The following MSRA variants were observed in gnomAD, a reference collection of about 807,000 sequenced individuals.
The protein encoded by MSRA is mitochondrial peptide methionine sulfoxide reductase.
A neutral mutation model predicts 31.3 loss-of-function variants in MSRA; 54 were observed. The observed-to-expected ratio is 1.73, with a 90% CI of 1.39 to 2.17. The LOEUF (loss-of-function observed/expected upper bound fraction) is 2.17. MSRA is among the 30% of genes most tolerant of loss of function. The pLI, the probability that MSRA is intolerant of heterozygous loss-of-function variation, is 0.00. For synonymous variants in MSRA, 169 were observed against 116.5 expected (o/e 1.45, Z -2.90); for missense variants, 507 against 300.9 (o/e 1.69, Z -5.07).
chr8:10,316,612 C>A (rs992739128), intron 4 of MSRA, among the ~76,000 whole-genome samples: 4 of 147,856 alleles, frequency 2.7e-5, no homozygotes, highest in Admixed American at 2.7e-4. Flanking sequence ...CTCTCCCTTC[C>A]TCCCTTTTGA....
At chr8:10,361,331 G>C (rs1015808126) in intron 5 of MSRA, among the ~76,000 whole-genome samples, 1 of 152,172 alleles carries the variant, frequency 6.6e-6, no homozygotes, top group Non-Finnish European at 1.5e-5. Context: ...AAAGGCTCTA[G>C]GGTCTGTCTC....
intron 5 of MSRA, among the ~76,000 whole-genome samples, chr8:10,328,081 A>T (rs995862476): frequency 7.9e-6 from 1 of 127,098 alleles, no homozygotes; most frequent in Non-Finnish European, 1.6e-5. Context: ...AGTGTAAATG[A>T]CACTCAAATT....
intron 1 of MSRA, among the ~76,000 whole-genome samples, chr8:10,149,689 T>A (rs1433057940): frequency 2.6e-5 from 4 of 151,890 alleles, no homozygotes; most frequent in Non-Finnish European, 5.9e-5. Flanking sequence ...GTAGTGGTGG[T>A]ATGGAGTTCT....
chr8:10,267,527 T>C (rs1798809559), intron 3 of MSRA, among the ~76,000 whole-genome samples: 2 of 152,114 alleles, frequency 1.3e-5, no homozygotes, highest in African/African-American at 4.8e-5. Flanking sequence ...CACACCACAG[T>C]TATCTAGGGC....
At chr8:10,231,473 A>AT (rs911227360) in intron 2 of MSRA, among the ~76,000 whole-genome samples, 12 of 152,154 alleles carry the variant, frequency 7.9e-5, no homozygotes, top group African/African-American at 2.9e-4. Context: ...CCAGGTGGGG[A>AT]TCCCCAGCAA....
chr8:10,126,590 A>G (rs1006543594), intron 1 of MSRA, among the ~76,000 whole-genome samples: 3 of 152,046 alleles, frequency 2.0e-5, no homozygotes, highest in East Asian at 3.9e-4. Context: ...TCTGCTCACC[A>G]CAACCTCTGC....
At chr8:10,423,583 T>C (rs1000602335) in intron 5 of MSRA, among the ~76,000 whole-genome samples, 2 of 152,128 alleles carry the variant, frequency 1.3e-5, no homozygotes, top group African/African-American at 4.8e-5. Flanking sequence ...TATCTCCCCC[T>C]GCTCCTGCAC....
chr8:10,362,965 G>A (rs1804940143), intron 5 of MSRA, among the ~76,000 whole-genome samples: 1 of 152,114 alleles, frequency 6.6e-6, no homozygotes, highest in Non-Finnish European at 1.5e-5. Flanking sequence ...TGCTGTTTTT[G>A]CAGCATCTTG....
chr8:10,300,146 G>GTGTT (rs1554519827), intron 3 of MSRA, among the ~76,000 whole-genome samples: 1 of 152,032 alleles, frequency 6.6e-6, no homozygotes, highest in Non-Finnish European at 1.5e-5. Context: ...GTGTGTGTGT[G>GTGTT]TGTGCACGCG....
intron 5 of MSRA, among the ~76,000 whole-genome samples, chr8:10,398,227 C>A (rs142652956): frequency 2.0e-5 from 3 of 152,288 alleles, no homozygotes; most frequent in African/African-American, 4.8e-5. Flanking sequence ...TAGAAAATTC[C>A]TGTTTGAACA....
At chr8:10,214,269 G>A (rs1161662990) in intron 2 of MSRA, among the ~76,000 whole-genome samples, 3 of 152,166 alleles carry the variant, frequency 2.0e-5, no homozygotes, top group Admixed American at 6.5e-5. Flanking sequence ...GTGGCTGACA[G>A]GAGCCCAGAG....
chr8:10,160,522 C>A (rs978078838), intron 1 of MSRA, among the ~76,000 whole-genome samples: 1 of 151,722 alleles, frequency 6.6e-6, no homozygotes, highest in African/African-American at 2.4e-5. Flanking sequence ...ATATAGATCT[C>A]TATAGATAGG....
At position 10,428,312 on chromosome 8, in the gene MSRA, A is replaced by G. The variant is rs773042309; in HGVS notation, c.708A>G (p.Ter236=). 2.5e-6 allele frequency: 4 copies of G among 1,611,960 alleles called. No homozygotes were observed. In the South Asian group the frequency reaches 3.3e-5, roughly 13 times the overall value. Residue 236 remains the stop codon, a stop_retained_variant, in exon 6 of 6, where the codon TAA becomes TAG. Transcript: ENST00000317173. ...CCTGCCCAGTGGGTATTAAAAAATA[A>G]TTTCTCCCCACATGGTGGGCCTTTG... ...GVSCPVGIKK[*] is the part of the protein sequence containing the mutation.
chr8:10,246,756 G>C (rs959583533), intron 3 of MSRA, among the ~76,000 whole-genome samples: 9 of 152,098 alleles, frequency 5.9e-5, no homozygotes, highest in African/African-American at 1.9e-4. Context: ...CTCTAGAGAA[G>C]GATTGAAATA....
chr8:10,071,769 G>C (rs1383745729), intron 1 of MSRA, among the ~76,000 whole-genome samples: 2 of 152,146 alleles, frequency 1.3e-5, no homozygotes, highest in Non-Finnish European at 2.9e-5. Flanking sequence ...CCAAGGGAAG[G>C]CTGGCACTCC....
intron 2 of MSRA, among the ~76,000 whole-genome samples, chr8:10,242,399 C>T (rs887591947): frequency 4.6e-5 from 7 of 152,028 alleles, no homozygotes; most frequent in African/African-American, 1.4e-4. Flanking sequence ...AGTCAGATAA[C>T]GGTTGCTTTT....
At chr8:10,244,258 G>A (rs928575218) in intron 2 of MSRA, among the ~76,000 whole-genome samples, 2 of 152,132 alleles carry the variant, frequency 1.3e-5, no homozygotes, top group East Asian at 1.9e-4. Context: ...CAATTGTACT[G>A]GACAGTTTAG....
At chr8:10,313,585 C>G (rs993066217) in intron 4 of MSRA, among the ~76,000 whole-genome samples, 8 of 152,126 alleles carry the variant, frequency 5.3e-5, no homozygotes, top group Non-Finnish European at 1.0e-4. Flanking sequence ...CACCAATTCT[C>G]TCCAAATTGT....
chr8:10,164,109 C>T (rs1310683490), intron 1 of MSRA, among the ~76,000 whole-genome samples: 2 of 152,226 alleles, frequency 1.3e-5, no homozygotes, highest in Non-Finnish European at 2.9e-5. Flanking sequence ...TTTAAAACCG[C>T]ATACTTACAC....
Sources: allele counts gnomAD v4.1 joint callset (sites outside exome capture counted in the v4.1 genomes callset), GRCh38; gene constraint gnomAD v4.1.1; transcripts MANE v1.5; gene names NCBI Gene and HGNC (gene_info 2026-07-23, HGNC 2026-07-21).